DENND5B: variants seen among roughly 807,000 people sequenced by gnomAD.
DENND5B encodes DENN domain containing 5B.
DENND5B carries 34 observed loss-of-function variants against 140.6 expected under a neutral mutation model. That is an observed-to-expected ratio of 0.24 (90% CI 0.18 to 0.32). The LOEUF (loss-of-function observed/expected upper bound fraction) is 0.32, where lower values mean the gene tolerates loss of function less well. DENND5B is among the 10% of genes least tolerant of loss of function. The pLI is 1.00. For missense variants in DENND5B, 1,142 were observed against 1,560.2 expected (o/e 0.73, Z 4.52); for synonymous variants, 551 against 562.1 (o/e 0.98, Z 0.28).
chr12:31,467,087 T>C (rs1945302112), intron 3 of DENND5B, among the ~76,000 whole-genome samples: 1 of 151,656 alleles, frequency 6.6e-6, no homozygotes, highest in African/African-American at 2.4e-5. Flanking sequence ...ACTTTTAACA[T>C]ATAATTTAAC....
rs189287259 is a variant in DENND5B, at chr12:31,577,194, T to C, written c.127+13512A>G. Among the ~76,000 whole-genome samples the C allele has an allele frequency of 1.5e-3, 225 of 152,330 alleles. 1 individual carries two copies. The highest frequency in any genetic ancestry group is 4.9e-3 in the African/African-American group (204 of 41,578). The stretch of plus-strand genomic sequence containing the variant: ...TACATTATCACTTCTACATTGATGT[T>C]TTCTCAAACTATAGGATAATTTCCT... On this transcript the variant is annotated intron_variant, in intron 1 of 20. Coordinates refer to ENST00000389082, the MANE Select transcript of DENND5B (RefSeq NM_144973.4).
At chr12:31,493,872 A>G (rs908987408) in intron 2 of DENND5B, among the ~76,000 whole-genome samples, 4 of 152,094 alleles carry the variant, frequency 2.6e-5, no homozygotes, top group African/African-American at 9.7e-5. Flanking sequence ...AAAAATAGCA[A>G]TGGCTATCAC....
intron 1 of DENND5B, among the ~76,000 whole-genome samples, chr12:31,542,287 CAA>C (rs778257868): frequency 2.4e-4 from 15 of 62,286 alleles, no homozygotes; most frequent in African/African-American, 2.4e-4. Context: ...GACTCCGTCT[CAA>C]AAAAAAAAAA....
chr12:31,515,743 C>T (rs982662086), intron 1 of DENND5B, among the ~76,000 whole-genome samples: 1 of 152,222 alleles, frequency 6.6e-6, no homozygotes, highest in African/African-American at 2.4e-5. Context: ...CATCTATTCA[C>T]TAGTAACACA....
chr12:31,529,139 C>A (rs116611327), intron 1 of DENND5B, among the ~76,000 whole-genome samples: 1 of 136,496 alleles, frequency 7.3e-6, no homozygotes, highest in Non-Finnish European at 1.5e-5. Flanking sequence ...CTCCAGCCTG[C>A]GCAACAGAGC....
intron 3 of DENND5B, among the ~76,000 whole-genome samples, chr12:31,474,558 C>T (rs935159895): frequency 3.3e-5 from 5 of 152,200 alleles, no homozygotes; most frequent in African/African-American, 9.6e-5. Flanking sequence ...GGCTGTGGAT[C>T]AGAATTTCAA....
At chr12:31,423,759 A>G (rs758688648) in intron 10 of DENND5B, 84 bp from the exon 11 acceptor site, 3 of 1,404,764 alleles carry the variant, frequency 2.1e-6, no homozygotes, top group Non-Finnish European at 3.0e-6. Context: ...ATATTCCAAT[A>G]GCCATTTAGA....
chr12:31,490,060 G>C (rs765637900), intron 2 of DENND5B, among the ~76,000 whole-genome samples: 12 of 152,174 alleles, frequency 7.9e-5, no homozygotes, highest in Non-Finnish European at 1.5e-4. Flanking sequence ...ATATATGGGA[G>C]AGGGTGAGTA....
At chr12:31,395,375 C>T (rs894293680) in intron 17 of DENND5B, among the ~76,000 whole-genome samples, 3 of 152,176 alleles carry the variant, frequency 2.0e-5, no homozygotes, top group Non-Finnish European at 4.4e-5. Context: ...GGGAGGATCA[C>T]CTGAGGTCAG....
At chr12:31,505,080 T>G (rs1256764075) in intron 1 of DENND5B, among the ~76,000 whole-genome samples, 1 of 152,208 alleles carries the variant, frequency 6.6e-6, no homozygotes, top group Non-Finnish European at 1.5e-5. Context: ...TAGCTATTCA[T>G]GTGTTTACTA....
intron 3 of DENND5B, among the ~76,000 whole-genome samples, chr12:31,469,601 A>G (rs956482895): frequency 1.3e-5 from 2 of 152,098 alleles, no homozygotes; most frequent in African/African-American, 4.8e-5. Context: ...GGTGTTGGGG[A>G]ACCCCTGATT....
intron 1 of DENND5B, among the ~76,000 whole-genome samples, chr12:31,566,157 A>G (rs11502786): frequency 1.3e-5 from 2 of 152,096 alleles, no homozygotes; most frequent in Admixed American, 1.3e-4. Context: ...AAAAAAAATT[A>G]AAAAATATAA....
At chr12:31,511,001 C>G (rs903592550) in intron 1 of DENND5B, among the ~76,000 whole-genome samples, 1 of 152,004 alleles carries the variant, frequency 6.6e-6, no homozygotes, top group African/African-American at 2.4e-5. Flanking sequence ...GAGGTCAAGG[C>G]GGGGGAAATA....
intron 2 of DENND5B, among the ~76,000 whole-genome samples, chr12:31,485,359 G>A (rs934832689): frequency 6.6e-6 from 1 of 152,218 alleles, no homozygotes; most frequent in Non-Finnish European, 1.5e-5. Context: ...CCAGCAGGAT[G>A]CAGAAAATGC....
intron 5 of DENND5B, among the ~76,000 whole-genome samples, chr12:31,448,762 G>C (rs558516773): frequency 6.6e-6 from 1 of 152,270 alleles, no homozygotes; most frequent in African/African-American, 2.4e-5. Flanking sequence ...TACAGTCCCA[G>C]CCACTAGGGA....
At chr12:31,587,090 C>T (rs949784429) in intron 1 of DENND5B, among the ~76,000 whole-genome samples, 14 of 152,254 alleles carry the variant, frequency 9.2e-5, no homozygotes, top group Admixed American at 3.9e-4. Flanking sequence ...CCTATGCATG[C>T]TAGAATGGCC....
rs1940844667 is a variant in DENND5B, at chr12:31,386,221, T to C, written c.*1382A>G. On this transcript the variant is annotated 3_prime_UTR_variant, in exon 21 of 21. Transcript: ENST00000389082. The stretch of plus-strand genomic sequence containing the variant: ...CTGGGAATAAAACTGGGAGCTCTGC[T>C]GAGGCAATTTTGCTGCTAAAAATGT... 1 of 154,850 alleles carries C rather than the reference T, an allele frequency of 6.5e-6. No individual in the cohort carries two copies. Among genetic ancestry groups the C allele is most frequent in the African/African-American group, 2.4e-5 (1 of 41,546 alleles). 9.6% of individuals were successfully genotyped at this position (154,850 alleles called of 1,614,324 possible).
At chr12:31,535,094 A>G in intron 1 of DENND5B, 2 of 312,272 alleles carry the variant, frequency 6.4e-6, no homozygotes, top group South Asian at 2.9e-5. Flanking sequence ...AAAAAAAAAA[A>G]AAAAAAAAGG....
At chr12:31,436,402 T>G (rs1303004925) in intron 7 of DENND5B, among the ~76,000 whole-genome samples, 1 of 150,378 alleles carries the variant, frequency 6.6e-6, no homozygotes, top group Non-Finnish European at 1.5e-5. Context: ...TGCCCAATCC[T>G]AAAAATCCTC....
Sources: gnomAD v4.1 joint callset for allele counts (sites outside exome capture counted in the v4.1 genomes callset) on GRCh38, gnomAD v4.1.1 for gene constraint, MANE v1.5 for transcripts, NCBI Gene and HGNC (gene_info 2026-07-23, HGNC 2026-07-21) for gene names.